PTPRN2: variants seen among roughly 807,000 people sequenced by gnomAD.
PTPRN2 encodes the protein protein tyrosine phosphatase receptor type N2, also known as receptor-type tyrosine-protein phosphatase N2.
Under a neutral mutation model 118.8 loss-of-function variants are expected in PTPRN2, and 74 were observed. That is an observed-to-expected ratio of 0.62 (90% confidence interval 0.52 to 0.76). PTPRN2 has a LOEUF of 0.76. Among genes scored for constraint, PTPRN2 ranks in the 30% least tolerant of loss-of-function variants. The probability of loss-of-function intolerance (pLI) is 0.00; values close to 1 mark genes in which losing one functional copy is unlikely to be tolerated. For missense variants in PTPRN2, 1,481 were observed against 1,394.4 expected (o/e 1.06, Z -0.99); for synonymous variants, 641 against 608.0 (o/e 1.05, Z -0.80).
chr7:158,130,428 ACAC>A (rs1451356793), intron 9 of PTPRN2, among the ~76,000 whole-genome samples: 2 of 148,026 alleles, frequency 1.4e-5, no homozygotes, highest in Non-Finnish European at 3.0e-5. Context: ...ACACTCACAC[ACAC>A]ACGTACATAC....
At chr7:157,726,339 GT>G (rs1418867777) in intron 12 of PTPRN2, among the ~76,000 whole-genome samples, 21 of 135,416 alleles carry the variant, frequency 1.6e-4, no homozygotes, top group African/African-American at 5.3e-4. Context: ...GCAGAGGAGT[GT>G]GGCCATACCC....
chr7:158,537,842 C>G (rs1275198587), intron 1 of PTPRN2, among the ~76,000 whole-genome samples: 10 of 152,250 alleles, frequency 6.6e-5, no homozygotes, highest in Non-Finnish European at 1.5e-4. Context: ...ATTTAGGTCT[C>G]TGATAAATGA....
chr7:157,928,774 C>T (rs772096422), intron 11 of PTPRN2, among the ~76,000 whole-genome samples: 3 of 143,124 alleles, frequency 2.1e-5, no homozygotes, highest in Non-Finnish European at 4.5e-5. Context: ...GGAGAGAGAG[C>T]GGGGCAGATG....
chr7:158,371,758 C>T (rs1281166746), intron 2 of PTPRN2, among the ~76,000 whole-genome samples: 2 of 152,104 alleles, frequency 1.3e-5, no homozygotes, highest in Non-Finnish European at 2.9e-5. Flanking sequence ...AAGAATCAGA[C>T]ATTGAGAAAC....
chr7:158,155,951 G>T (rs189116259), intron 6 of PTPRN2, among the ~76,000 whole-genome samples: 1 of 152,142 alleles, frequency 6.6e-6, no homozygotes, highest in African/African-American at 2.4e-5. Context: ...GCTCATTATC[G>T]CATTCTCTCC....
rs150144525 is a variant in PTPRN2, at chr7:158,249,084, CCACA to C, written c.278-43815_278-43812del. Among the ~76,000 whole-genome samples the C allele has an allele frequency of 4.6e-5, 7 of 151,606 alleles. 1 individual carries two copies. The highest frequency in any genetic ancestry group is 9.7e-5 in the African/African-American group (4 of 41,318). On this transcript the variant is annotated intron_variant, in intron 3 of 22. Coordinates refer to ENST00000389418, the MANE Select transcript of PTPRN2 (RefSeq NM_002847.5). ...ACATCACACACATACACCACACACACCACACATATGCACACATCACACACACACA... is the reference window on the plus strand; with the variant it reads ...ACATCACACACATACACCACACACACCATATGCACACATCACACACACACA...
chr7:158,133,509 C>A (rs1366629558), intron 9 of PTPRN2, among the ~76,000 whole-genome samples, 168 bp downstream of exon 9: 1 of 152,230 alleles, frequency 6.6e-6, no homozygotes, highest in African/African-American at 2.4e-5. Flanking sequence ...TGTCCAGGCA[C>A]CTGGCTGCCC....
chr7:158,130,841 C>T (rs1818155613), intron 9 of PTPRN2, among the ~76,000 whole-genome samples: 1 of 150,824 alleles, frequency 6.6e-6, no homozygotes, highest in African/African-American at 2.5e-5. Flanking sequence ...TACATACACA[C>T]ACATCTACCC....
chr7:157,673,516 A>G (rs1796511426), intron 13 of PTPRN2, among the ~76,000 whole-genome samples: 1 of 151,796 alleles, frequency 6.6e-6, no homozygotes, highest in Non-Finnish European at 1.5e-5. Flanking sequence ...TCACGTCCAC[A>G]TAAACCTGAA....
At position 157,624,883 on chromosome 7, in the gene PTPRN2, G is replaced by GA. The variant is rs532544806; in HGVS notation, c.2197-3375dup. Among the ~76,000 whole-genome samples, 941 of 150,424 alleles carry GA rather than the reference G, an allele frequency of 6.3e-3. 14 individuals carry two copies. Among genetic ancestry groups the GA allele is most frequent in the African/African-American group, 0.022 (887 of 41,014 alleles). The stretch of plus-strand genomic sequence containing the variant: ...GACATTTAAGCAAACAAATCAGTAA[G>GA]AAAAAAAAACACAATCCTATCAAAA... On this transcript the variant is annotated intron_variant, in intron 14 of 22. Coordinates refer to ENST00000389418, the MANE Select transcript of PTPRN2 (RefSeq NM_002847.5).
rs545803672 is a variant in PTPRN2, at chr7:158,235,051, C to T, written c.278-29778G>A. 6.6e-5 allele frequency among the ~76,000 whole-genome samples: 10 copies of T among 152,282 alleles called. No individual in the cohort carries two copies. The East Asian group carries it at 9.7e-4, about 15-fold the overall frequency. On this transcript the variant is annotated intron_variant, in intron 3 of 22. Coordinates refer to ENST00000389418, the MANE Select transcript of PTPRN2 (RefSeq NM_002847.5). ...TGATGGGATTACAGGCATGAGCCACCGGGCCTGGCCCAAAATGGCTCTTAT... is the reference window on the plus strand; with the variant it reads ...TGATGGGATTACAGGCATGAGCCACTGGGCCTGGCCCAAAATGGCTCTTAT...
intron 2 of PTPRN2, among the ~76,000 whole-genome samples, chr7:158,485,193 C>T (rs1174979811): frequency 6.6e-6 from 1 of 152,094 alleles, no homozygotes; most frequent in Admixed American, 6.5e-5. Flanking sequence ...AGCCATCCTC[C>T]CCCACCTGTC....
intron 11 of PTPRN2, among the ~76,000 whole-genome samples, chr7:158,054,246 C>T (rs564100575): frequency 2.0e-5 from 3 of 152,324 alleles, no homozygotes; most frequent in East Asian, 3.9e-4. Context: ...GATGTGAACA[C>T]AGCTCTCCGA....
rs950122668 is a variant in PTPRN2 at position 158,389,739 on chromosome 7, C to T, written c.164-72807G>A. 3.9e-5 allele frequency among the ~76,000 whole-genome samples: 6 copies of T among 152,240 alleles called. No homozygotes were observed. The South Asian group carries it at 8.3e-4, about 21-fold the overall frequency. On this transcript the variant is annotated intron_variant, in intron 2 of 22. Transcript: ENST00000389418. Reference sequence around the variant, plus strand: ...ACAGATGCACGGATAAATCATCACGCGTCGCATTCCCAGAATAGAAAATGG... The same window carrying T: ...ACAGATGCACGGATAAATCATCACGTGTCGCATTCCCAGAATAGAAAATGG...
At chr7:157,795,787 A>G (rs2151085554) in intron 12 of PTPRN2, among the ~76,000 whole-genome samples, 1 of 152,350 alleles carries the variant, frequency 6.6e-6, no homozygotes, top group East Asian at 1.9e-4. Flanking sequence ...GGCACCTGGC[A>G]GCTCACCTGG....
intron 3 of PTPRN2, among the ~76,000 whole-genome samples, chr7:158,295,901 CG>C (rs1381371531): frequency 2.0e-5 from 3 of 152,256 alleles, no homozygotes; most frequent in African/African-American, 7.2e-5. Context: ...GGTGAGCTGT[CG>C]AATCCTCATT....
At chr7:158,389,950 G>A (rs980198978) in intron 2 of PTPRN2, among the ~76,000 whole-genome samples, 2 of 152,232 alleles carry the variant, frequency 1.3e-5, no homozygotes, top group South Asian at 4.1e-4. Flanking sequence ...GCTGTCCTCC[G>A]GTGCAGCCAG....
rs558384904 is a variant in PTPRN2 at position 157,869,063 on chromosome 7, C to T, written c.1788+29610G>A. The T allele has an allele frequency of 6.6e-5, 10 of 152,344 alleles. No homozygotes were observed. Among genetic ancestry groups the T allele is most frequent in the African/African-American group, 1.7e-4 (7 of 41,580 alleles). The allele number at this position is 152,344 out of a possible 1,614,324, so 9.4% of individuals were successfully genotyped here. On this transcript the variant is annotated intron_variant, in intron 12 of 22. Transcript: ENST00000389418. The surrounding 1 kb of genome is among the most constrained non-coding windows in gnomAD (Gnocchi z 4.2). Reference sequence around the variant, plus strand: ...ACGTGTAATTCCAAATCTGTAAGTACTAAGTTTTAAAATGCGTGTGAGCAA... The same window carrying T: ...ACGTGTAATTCCAAATCTGTAAGTATTAAGTTTTAAAATGCGTGTGAGCAA...
At chr7:157,795,878 C>T (rs893522637) in intron 12 of PTPRN2, among the ~76,000 whole-genome samples, 8 of 152,192 alleles carry the variant, frequency 5.3e-5, no homozygotes, top group Non-Finnish European at 8.8e-5. Context: ...CGGAGGGAGC[C>T]CATGAAGCAG....
Sources: allele counts gnomAD v4.1 joint callset (sites outside exome capture counted in the v4.1 genomes callset), GRCh38; gene constraint gnomAD v4.1.1; non-coding constraint Gnocchi (gnomAD v3.1); transcripts MANE v1.5; gene names NCBI Gene and HGNC (gene_info 2026-07-23, HGNC 2026-07-21).